The following BLACAT1 variants were observed in gnomAD, a reference collection of about 807,000 sequenced individuals.
BLACAT1 encodes the protein bladder cancer associated transcript 1.
At chr1:205,439,186 G>C (rs572667525), downstream of BLACAT1, among the ~76,000 whole-genome samples, 1 of 152,316 alleles carries the variant, frequency 6.6e-6, no homozygotes, top group South Asian at 2.1e-4. Flanking sequence ...CTATCCAAGA[G>C]GACAAAGAAC....
chr1:205,453,088 G>A (rs1666517454), intron 1 of BLACAT1, among the ~76,000 whole-genome samples: 1 of 152,122 alleles, frequency 6.6e-6, no homozygotes, highest in African/African-American at 2.4e-5. Context: ...ACATGGGGGT[G>A]GGAAGGCACT....
At chr1:205,447,369 A>AGG (rs1309776729) in intron 1 of BLACAT1, among the ~76,000 whole-genome samples, 10 of 152,150 alleles carry the variant, frequency 6.6e-5, no homozygotes, top group Non-Finnish European at 1.2e-4. Context: ...GGTGAAATTA[A>AGG]GGGCTCTGAG....
At chr1:205,439,775 G>A (rs6657330), downstream of BLACAT1, among the ~76,000 whole-genome samples, 11 of 152,130 alleles carry the variant, frequency 7.2e-5, no homozygotes, top group East Asian at 3.9e-4. Context: ...GCTGGCATTC[G>A]TCTCTGCCTG....
At chr1:205,453,922 G>A (rs114498644) in intron 1 of BLACAT1, among the ~76,000 whole-genome samples, 1,944 of 152,312 alleles carry the variant, frequency 0.013, 35 homozygotes, top group African/African-American at 0.043. Flanking sequence ...ATATCGAAAT[G>A]TCTCAGTGTC....
intron 1 of BLACAT1, 21 bp downstream of exon 1, chr1:205,455,892 CTGTT>C (rs1188992111): frequency 1.3e-5 from 2 of 152,258 alleles, no homozygotes; most frequent in African/African-American, 4.8e-5. Context: ...CACTTTCTGC[CTGTT>C]TGTTTTCGCT....
At chr1:205,445,951 T>TA (rs1666381697) in intron 1 of BLACAT1, among the ~76,000 whole-genome samples, 2 of 152,142 alleles carry the variant, frequency 1.3e-5, no homozygotes, top group East Asian at 3.9e-4. Context: ...ACAAATACAA[T>TA]AAGAGAGAGT....
chr1:205,455,569 C>T (rs575402636), intron 1 of BLACAT1, among the ~76,000 whole-genome samples: 82 of 152,340 alleles, frequency 5.4e-4, no homozygotes, highest in African/African-American at 1.9e-3. Context: ...GCGGGTTTCA[C>T]TCAGCGGGGA....
At chr1:205,439,813 T>C (rs4951000), downstream of BLACAT1, among the ~76,000 whole-genome samples, 133,672 of 152,124 alleles carry the variant, frequency 0.88, 59,707 homozygotes, top group East Asian at 0.99. Flanking sequence ...ACTCCAGGAT[T>C]AAAGACAAAA....
In BLACAT1 at chr1:205,448,768, G is replaced by A. The variant is rs1666446556; in HGVS notation, c.-37+7149C>T. ...GCCGGATCTTTTCAAGGCTGCTGCTGCCAGTACCCAGGATGGGGGGCCCCA... is the reference window on the plus strand; with the variant it reads ...GCCGGATCTTTTCAAGGCTGCTGCTACCAGTACCCAGGATGGGGGGCCCCA... On this transcript the variant is annotated intron_variant, in intron 1 of 1. Coordinates refer to ENST00000629624, the Ensembl canonical transcript of BLACAT1. This position sits in a 1 kb window ranked among gnomAD's most constrained non-coding sequence, Gnocchi z 4.7. Among the ~76,000 whole-genome samples, 1 of 152,154 alleles carries A rather than the reference G, an allele frequency of 6.6e-6. No homozygotes were observed. Among genetic ancestry groups the A allele is most frequent in the African/African-American group, 2.4e-5 (1 of 41,442 alleles).
downstream of BLACAT1, chr1:205,436,429 C>T (rs1666204996): frequency 6.6e-6 from 1 of 152,298 alleles, no homozygotes; most frequent in Admixed American, 6.5e-5. Context: ...TCTATAGTTC[C>T]TATCCCATGG....
rs934873487 is a variant in BLACAT1, at chr1:205,441,447, CT to C, written c.-36-386del. Among the ~76,000 whole-genome samples the C allele has an allele frequency of 2.0e-5, 3 of 152,174 alleles. No homozygotes were observed. Among genetic ancestry groups the C allele is most frequent in the Non-Finnish European group, 4.4e-5 (3 of 68,032 alleles). On this transcript the variant is annotated intron_variant, in intron 1 of 1. Transcript: ENST00000629624. The surrounding 1 kb of genome is among the most constrained non-coding windows in gnomAD (Gnocchi z 4.3). ...TAAAATAGCCTCCGGCTTGTGCCACCTTACACCAGGTTCTAGCTGGGGGCTT... is the reference window on the plus strand; with the variant it reads ...TAAAATAGCCTCCGGCTTGTGCCACCTACACCAGGTTCTAGCTGGGGGCTT...
rs748530028 is a variant in BLACAT1, at chr1:205,448,268, C to T, written c.-36-7206G>A. 1.6e-5 allele frequency: 8 copies of T among 512,676 alleles called. No individual in the cohort carries two copies. The highest frequency in any genetic ancestry group is 1.1e-4 in the South Asian group (8 of 70,786). 31.8% of individuals were successfully genotyped at this position (512,676 alleles called of 1,614,324 possible). On this transcript the variant is annotated intron_variant, in intron 1 of 1. Coordinates refer to ENST00000629624, the Ensembl canonical transcript of BLACAT1. This position sits in a 1 kb window ranked among gnomAD's most constrained non-coding sequence, Gnocchi z 4.7. ...TGCCCCTTGGTGGCTGGCTCCGAACCTGGTCCCATGGGAGGTGCAGCTGCG... is the reference window on the plus strand; with the variant it reads ...TGCCCCTTGGTGGCTGGCTCCGAACTTGGTCCCATGGGAGGTGCAGCTGCG...
chr1:205,443,248 CA>C lies in BLACAT1; in HGVS notation c.-36-2187del, dbSNP rs577401395. Among the ~76,000 whole-genome samples, 371 of 152,298 alleles carry C rather than the reference CA, an allele frequency of 2.4e-3. 2 individuals carry two copies. Among genetic ancestry groups the C allele is most frequent in the African/African-American group, 8.5e-3 (352 of 41,538 alleles). On this transcript the variant is annotated intron_variant, in intron 1 of 1. Transcript: ENST00000629624. ...ACAAGCCAGGCAGGTAGCAGCCCCA[CA>C]AACAGGTCAAGGTGCAGCTCAGGGT...
chr1:205,436,075 C>G (rs1297172556), downstream of BLACAT1: 1 of 152,284 alleles, frequency 6.6e-6, no homozygotes, highest in Non-Finnish European at 1.5e-5. Context: ...CTGGGAGAGT[C>G]CTGAGGATCT....
At chr1:205,442,272 G>T (rs968203097) in intron 1 of BLACAT1, among the ~76,000 whole-genome samples, 2 of 152,168 alleles carry the variant, frequency 1.3e-5, no homozygotes, top group East Asian at 3.9e-4. Context: ...TGCGGAAGGG[G>T]TTTGGAATAG....
chr1:205,453,287 T>G (rs1447217979), intron 1 of BLACAT1, among the ~76,000 whole-genome samples: 5 of 152,150 alleles, frequency 3.3e-5, no homozygotes, highest in Non-Finnish European at 5.9e-5. Flanking sequence ...AGACCTGCAC[T>G]AGACCAGCAG....
At chr1:205,442,392 AGGAATGTGGCAT>A (rs1666309930) in intron 1 of BLACAT1, among the ~76,000 whole-genome samples, 1 of 152,212 alleles carries the variant, frequency 6.6e-6, no homozygotes, top group African/African-American at 2.4e-5. Flanking sequence ...ACTGCCTTTG[AGGAATGTGGCAT>A]GGCCCAGATG....
At chr1:205,455,688 G>A (rs1028447169) in intron 1 of BLACAT1, among the ~76,000 whole-genome samples, 13 of 152,074 alleles carry the variant, frequency 8.5e-5, no homozygotes, top group African/African-American at 2.9e-4. Flanking sequence ...CGGGGAGGGG[G>A]CTTCCTCTTT....
intron 1 of BLACAT1, among the ~76,000 whole-genome samples, chr1:205,453,976 C>T (rs1006253100): frequency 1.3e-5 from 2 of 152,248 alleles, no homozygotes; most frequent in East Asian, 3.8e-4. Context: ...CTTCCATGCC[C>T]CTCCTCAACC....
Sources: gnomAD v4.1 joint callset for allele counts (sites outside exome capture counted in the v4.1 genomes callset) on GRCh38, gnomAD v4.1.1 for gene constraint, Gnocchi (gnomAD v3.1) non-coding constraint, MANE v1.5 for transcripts, NCBI Gene and HGNC (gene_info 2026-07-23, HGNC 2026-07-21) for gene names.